The following ARID4A variants were observed in gnomAD, a reference collection of about 807,000 sequenced individuals.
ARID4A encodes the protein AT-rich interactive domain-containing protein 4A.
In ARID4A, 39 loss-of-function variants were observed where a neutral mutation model predicts 148.6. The ratio of observed to expected loss-of-function variants is 0.26; its 90% CI spans 0.20 to 0.34. The LOEUF (loss-of-function observed/expected upper bound fraction) is 0.34, where lower values mean the gene tolerates loss of function less well. Ranked by LOEUF, ARID4A falls within the 10% of genes least tolerant of loss-of-function variation. ARID4A has a pLI of 1.00. For synonymous variants in ARID4A, 475 were observed against 481.2 expected, an observed-to-expected ratio of 0.99 and a Z score of 0.17; for missense variants, 1,265 against 1,449.1, an observed-to-expected ratio of 0.87 and a Z score of 2.06.
In ARID4A at chr14:58,329,956, A is replaced by G. The variant is rs17094459; in HGVS notation, c.740-47A>G. The G allele has an allele frequency of 5.9e-4, 928 of 1,566,982 alleles. 8 individuals carry two copies. The East Asian group carries it at 9.6e-3, about 16-fold the overall frequency. ...AATGCCATGCCTTTTCTATTGTTCT[A>G]TGCTGCCAATTCCATAGCAACTGCT... On this transcript the variant is annotated intron_variant, in intron 10 of 23. Coordinates refer to ENST00000355431, the MANE Select transcript of ARID4A (RefSeq NM_002892.4).
chr14:58,357,026 G>A (rs2034901001), intron 17 of ARID4A, among the ~76,000 whole-genome samples: 1 of 151,992 alleles, frequency 6.6e-6, no homozygotes, highest in Non-Finnish European at 1.5e-5. Flanking sequence ...TCCTGGTCTA[G>A]CGATATGCAG....
chr14:58,333,522 T>A (rs1266251733), intron 11 of ARID4A, among the ~76,000 whole-genome samples: 2 of 152,116 alleles, frequency 1.3e-5, no homozygotes, highest in Non-Finnish European at 2.9e-5. Context: ...TGGGCCCTTT[T>A]AAAAATTTCC....
chr14:58,339,037 T>A (rs1453623595), intron 11 of ARID4A, among the ~76,000 whole-genome samples: 7 of 147,728 alleles, frequency 4.7e-5, no homozygotes, highest in African/African-American at 1.8e-4. Flanking sequence ...TGATTATAGC[T>A]CACTGCAGCC....
intron 15 of ARID4A, among the ~76,000 whole-genome samples, chr14:58,349,951 A>C (rs1181430122): frequency 6.6e-6 from 1 of 151,820 alleles, no homozygotes; most frequent in African/African-American, 2.4e-5. Context: ...TCTACTAAAA[A>C]TACAAAAATT....
Position 58,318,532 on chromosome 14 carries a change from C to T in ARID4A, c.275-10C>T. The T allele has an allele frequency of 6.2e-7, 1 of 1,613,198 alleles. No homozygotes were observed. Among genetic ancestry groups the T allele is most frequent in the Non-Finnish European group, 8.5e-7 (1 of 1,179,378 alleles). On this transcript the variant is annotated splice_polypyrimidine_tract_variant and intron_variant, in intron 5 of 23. Transcript: ENST00000355431. ...TGCATAAATTCTCTGTTATCTTTTG[C>T]TTATTATAGTGTTTGATGATGGTGA...
At chr14:58,337,675 T>C (rs1198470553) in intron 11 of ARID4A, among the ~76,000 whole-genome samples, 3 of 152,218 alleles carry the variant, frequency 2.0e-5, no homozygotes, top group Non-Finnish European at 4.4e-5. Context: ...TAAAATAAAT[T>C]ATTTTTTGCT....
At chr14:58,327,582 T>G (rs2033287764) in intron 8 of ARID4A, among the ~76,000 whole-genome samples, 1 of 152,180 alleles carries the variant, frequency 6.6e-6, no homozygotes, top group Non-Finnish European at 1.5e-5. Context: ...ATGCCAAATT[T>G]TCATCACAGA....
intron 7 of ARID4A, among the ~76,000 whole-genome samples, chr14:58,322,626 T>C (rs1384309355): frequency 3.3e-5 from 5 of 152,140 alleles, no homozygotes; most frequent in African/African-American, 1.2e-4. Flanking sequence ...CTGCATACTT[T>C]AATAAACTCC....
rs1002508412 is a variant in ARID4A, at chr14:58,312,248, G to A, written c.274+6136G>A. 1.5e-4 allele frequency among the ~76,000 whole-genome samples: 21 copies of A among 144,712 alleles called. 1 individual carries two copies. The highest frequency in any genetic ancestry group is 1.1e-3 in the South Asian group (5 of 4,624). 94.9% of individuals were successfully genotyped at this position (144,712 alleles called of 152,430 possible). On this transcript the variant is annotated intron_variant, in intron 5 of 23. Coordinates refer to ENST00000355431, the MANE Select transcript of ARID4A (RefSeq NM_002892.4). ...TTTTTTTTTTTTGAGATGGAGTCTC[G>A]CTTTGTTGCCCAGGCTGGAGAGCAG...
intron 15 of ARID4A, among the ~76,000 whole-genome samples, chr14:58,349,734 A>G (rs1693694899): frequency 6.6e-6 from 1 of 152,040 alleles, no homozygotes; most frequent in African/African-American, 2.4e-5. Flanking sequence ...ATAAATAAAT[A>G]AAAACAGTAT....
intron 16 of ARID4A, 200 bp downstream of exon 16, chr14:58,351,523 A>T: frequency 1.6e-6 from 1 of 621,924 alleles, no homozygotes; most frequent in South Asian, 2.6e-5. Flanking sequence ...CACCATTTTA[A>T]TAGCACTTGT....
At position 58,372,361 on chromosome 14, in the gene ARID4A, C is replaced by T. The variant is rs749822306; in HGVS notation, c.*372C>T. On this transcript the variant is annotated 3_prime_UTR_variant, in exon 24 of 24. Transcript: ENST00000355431. Reference sequence around the variant, plus strand: ...TGATAAACATCAAAATATTACCCAGCTGAATAGTTACTGCTGCACTTTCAC... The same window carrying T: ...TGATAAACATCAAAATATTACCCAGTTGAATAGTTACTGCTGCACTTTCAC... 1.6e-5 allele frequency: 4 copies of T among 258,040 alleles called. No individual in the cohort carries two copies. The highest frequency in any genetic ancestry group is 4.4e-5 in the African/African-American group (2 of 45,550). The allele number at this position is 258,040 out of a possible 1,614,324, so 16.0% of individuals were successfully genotyped here. A position where few individuals can be genotyped will look rare whatever the true frequency, so the allele number is the denominator to read the frequency against.
At chr14:58,350,183 A>G (rs2034570754) in intron 15 of ARID4A, among the ~76,000 whole-genome samples, 2 of 89,026 alleles carry the variant, frequency 2.2e-5, no homozygotes, top group African/African-American at 8.9e-5. Context: ...TGGAAGTGCC[A>G]TCTTGGAACT....
rs2035379031 is a variant in ARID4A, at chr14:58,366,859, ATTAAC to A, written c.3524-21_3524-17del. ...CTCACAGAATTATTTTAAAATCCAA[ATTAAC>A]TTCTTTCCCCCCTTTTAGATGAATT... is the stretch of plus-strand genomic sequence containing the variant. On this transcript the variant is annotated intron_variant, in intron 22 of 23. Transcript: ENST00000355431. 3 of 1,468,478 alleles carry A rather than the reference ATTAAC, an allele frequency of 2.0e-6. No individual in the cohort carries two copies. The highest frequency in any genetic ancestry group is 2.7e-6 in the Non-Finnish European group (3 of 1,108,816). 91.0% of individuals were successfully genotyped at this position (1,468,478 alleles called of 1,614,324 possible). A position where few individuals can be genotyped will look rare whatever the true frequency, so the allele number is the denominator to read the frequency against.
At position 58,299,831 on chromosome 14, in the gene ARID4A, G is replaced by T; in HGVS notation, c.-24G>T. 6.2e-7 allele frequency: 1 copy of T among 1,614,216 alleles called. No homozygotes were observed. The highest frequency in any genetic ancestry group is 8.5e-7 in the Non-Finnish European group (1 of 1,180,032). On this transcript the variant is annotated 5_prime_UTR_variant, in exon 2 of 24. Coordinates refer to ENST00000355431, the MANE Select transcript of ARID4A (RefSeq NM_002892.4). Reference sequence around the variant, plus strand: ...ACTGCGAAGATAGCTCGCTGAGCTGGAACCCCACAGATCACCAACAAAAAT... The same window carrying T: ...ACTGCGAAGATAGCTCGCTGAGCTGTAACCCCACAGATCACCAACAAAAAT...
In ARID4A at chr14:58,364,338, C is replaced by G; in HGVS notation, c.2249C>G (p.Thr750Ser). Residue 750 changes from threonine (T) to serine (S), a missense_variant, in exon 20 of 24, where the codon ACT becomes AGT. By Grantham distance (58) the Thr-to-Ser change is moderately conservative. Around this residue, in one of 9 missense-constraint regions of ARID4A, gnomAD observed 666 missense variants for 730.9 expected, o/e 0.91. Coordinates refer to ENST00000355431, the MANE Select transcript of ARID4A (RefSeq NM_002892.4). ...SAHILKENDR[T>S]QMQPLETLKL... Reference sequence around the variant, plus strand: ...CATATATTAAAAGAAAATGATAGGACTCAAATGCAGCCTTTAGAAACCCTG... The same window carrying G: ...CATATATTAAAAGAAAATGATAGGAGTCAAATGCAGCCTTTAGAAACCCTG... 6.3e-7 allele frequency: 1 copy of G among 1,582,042 alleles called. No individual in the cohort carries two copies. Among genetic ancestry groups the G allele is most frequent in the Non-Finnish European group, 8.5e-7 (1 of 1,171,230 alleles).
In ARID4A at chr14:58,372,735, C is replaced by T. The variant is rs999709669; in HGVS notation, c.*746C>T. The T allele has an allele frequency of 9.3e-5, 17 of 183,028 alleles. No homozygotes were observed. The highest frequency in any genetic ancestry group is 4.0e-4 in the African/African-American group (17 of 42,558). The allele number at this position is 183,028 out of a possible 1,614,324, so 11.3% of individuals were successfully genotyped here. A position where few individuals can be genotyped will look rare whatever the true frequency, so the allele number is the denominator to read the frequency against. The stretch of plus-strand genomic sequence containing the variant: ...ATTTTGTCTTTTTTCTATGTAATTT[C>T]AGAGTTTTTATTTTGTTACAAAAAG... On this transcript the variant is annotated 3_prime_UTR_variant, in exon 24 of 24. Coordinates refer to ENST00000355431, the MANE Select transcript of ARID4A (RefSeq NM_002892.4).
Position 58,330,136 on chromosome 14 carries a change from G to A in ARID4A, c.873G>A (p.Lys291=). 6.2e-7 allele frequency: 1 copy of A among 1,612,048 alleles called. No individual in the cohort carries two copies. Among genetic ancestry groups the A allele is most frequent in the Non-Finnish European group, 8.5e-7 (1 of 1,179,412 alleles). ...CAGCTGAAGAAAATGATGAAGAGAA[G>A]GAAAAGGAGGCCAAAAAGACAGAAG... ...DGPAEENDEE[K]EKEAKKTEEE... is the part of the protein sequence containing the mutation. The change falls in exon 11 of 24, where the codon AAG becomes AAA. Residue 291 remains lysine (K), a synonymous_variant. Transcript: ENST00000355431.
In ARID4A at chr14:58,366,227, C is replaced by T. The variant is rs2035355753; in HGVS notation, c.3520C>T (p.Leu1174Phe). ...TAGGACATATAAATGGAGCTTTCAG[C>T]TCAGTAAGAAGCTTATAGAAAACTT... The part of the protein sequence containing the change: ...SPRTYKWSFQ[L>F]NELDNMNSTE... Residue 1174 changes from leucine (L) to phenylalanine (F), a missense_variant, in exon 22 of 24, where the codon CTC (leucine) becomes TTC (phenylalanine). Around this residue, in one of 9 missense-constraint regions of ARID4A, gnomAD observed 666 missense variants for 730.9 expected, o/e 0.91. Coordinates refer to ENST00000355431, the MANE Select transcript of ARID4A (RefSeq NM_002892.4). The T allele has an allele frequency of 6.2e-7, 1 of 1,610,628 alleles. No homozygotes were observed. The highest frequency in any genetic ancestry group is 8.5e-7 in the Non-Finnish European group (1 of 1,177,284).
Sources: allele counts gnomAD v4.1 joint callset (sites outside exome capture counted in the v4.1 genomes callset), GRCh38; gene constraint gnomAD v4.1.1; regional missense constraint gnomAD v4.1.1; transcripts MANE v1.5; gene names NCBI Gene and HGNC (gene_info 2026-07-23, HGNC 2026-07-21).